The following RBFOX3 variants were observed in gnomAD, a reference collection of about 807,000 sequenced individuals.
The protein encoded by RBFOX3 is RNA binding protein fox-1 homolog 3.
In RBFOX3, 17 loss-of-function variants were observed where a neutral mutation model predicts 48.7. The observed-to-expected ratio is 0.35, with a 90% CI of 0.24 to 0.52. The LOEUF is 0.52. RBFOX3 is among the 20% of genes least tolerant of loss of function. The pLI is 0.94. For synonymous variants in RBFOX3, 212 were observed against 209.5 expected (o/e 1.01, Z -0.10); for missense variants, 382 against 497.5 (o/e 0.77, Z 2.21).
At chr17:79,438,082 GCA>G (rs2069944227) in intron 2 of RBFOX3, among the ~76,000 whole-genome samples, 1 of 132,666 alleles carries the variant, frequency 7.5e-6, no homozygotes, top group Non-Finnish European at 1.6e-5. Context: ...ATGTATACAT[GCA>G]CACACACAGG....
At chr17:79,633,656 T>A in the RBFOX3 span, among the ~76,000 whole-genome samples, 1 of 152,098 alleles carries the variant, frequency 6.6e-6, no homozygotes, top group African/African-American at 2.4e-5. Flanking sequence ...GCCTGGAGAC[T>A]GGACATGCTT....
At chr17:79,437,574 G>A (rs1209462101) in intron 2 of RBFOX3, among the ~76,000 whole-genome samples, 4 of 152,174 alleles carry the variant, frequency 2.6e-5, no homozygotes, top group African/African-American at 9.7e-5. Flanking sequence ...AGGAGCAGGT[G>A]GAGGAGCAAC....
chr17:79,175,149 T>C (rs1018551086), intron 4 of RBFOX3, among the ~76,000 whole-genome samples: 1 of 152,226 alleles, frequency 6.6e-6, no homozygotes, highest in Non-Finnish European at 1.5e-5. Context: ...CGGTGACTCA[T>C]GGGGGTCTGA....
At chr17:79,545,561 C>T (rs142219220) in intron 1 of RBFOX3, among the ~76,000 whole-genome samples, 1 of 152,358 alleles carries the variant, frequency 6.6e-6, no homozygotes, top group East Asian at 1.9e-4. Flanking sequence ...GTGTCCCAGG[C>T]TTCCCAGGTC....
At chr17:79,231,885 C>T (rs1287589997) in intron 4 of RBFOX3, among the ~76,000 whole-genome samples, 2 of 152,162 alleles carry the variant, frequency 1.3e-5, no homozygotes, top group African/African-American at 4.8e-5. Flanking sequence ...TCTCATGCTG[C>T]TATGAAGAAA....
chr17:79,310,675 C>T (rs548625782), intron 2 of RBFOX3, among the ~76,000 whole-genome samples: 37 of 152,328 alleles, frequency 2.4e-4, no homozygotes, highest in African/African-American at 7.7e-4. Context: ...AGCCTCTGCC[C>T]GGGCCCTTCT....
At chr17:79,192,271 C>T (rs1000871739) in intron 4 of RBFOX3, among the ~76,000 whole-genome samples, 9 of 152,178 alleles carry the variant, frequency 5.9e-5, no homozygotes, top group Admixed American at 2.0e-4. Flanking sequence ...TGCTCTTAGC[C>T]GCTCCCGGCC....
chr17:79,142,677 G>A (rs982938734), intron 4 of RBFOX3, among the ~76,000 whole-genome samples: 5 of 152,248 alleles, frequency 3.3e-5, no homozygotes, highest in East Asian at 1.9e-4. Flanking sequence ...GGGGGGTGCC[G>A]GGGGTGCACC....
chr17:79,563,552 T>C (rs1311533416), intron 1 of RBFOX3, among the ~76,000 whole-genome samples: 1 of 152,272 alleles, frequency 6.6e-6, no homozygotes, highest in Non-Finnish European at 1.5e-5. Context: ...TGTGTTAGCA[T>C]TTTTTAAGTC....
the RBFOX3 span, among the ~76,000 whole-genome samples, chr17:79,656,087 C>A: frequency 6.6e-6 from 1 of 152,212 alleles, no homozygotes; most frequent in Non-Finnish European, 1.5e-5. Flanking sequence ...AGATCACTCT[C>A]AAGCAAACCA....
chr17:79,105,629 G>T (rs1331679638), intron 6 of RBFOX3, among the ~76,000 whole-genome samples: 1 of 152,198 alleles, frequency 6.6e-6, no homozygotes, highest in Non-Finnish European at 1.5e-5. Context: ...CACGTCAGGG[G>T]GTAGGTGAAC....
chr17:79,262,157 C>T (rs1286319092), intron 3 of RBFOX3, among the ~76,000 whole-genome samples: 1 of 152,258 alleles, frequency 6.6e-6, no homozygotes, highest in East Asian at 1.9e-4. Flanking sequence ...CCTCTCGTGG[C>T]CACAGCTCTG....
At chr17:79,414,621 GGCT>G (rs2065012010) in intron 2 of RBFOX3, among the ~76,000 whole-genome samples, 1 of 152,206 alleles carries the variant, frequency 6.6e-6, no homozygotes, top group African/African-American at 2.4e-5. Flanking sequence ...GCCTGCTCCA[GGCT>G]GCGGACTCAG....
At chr17:79,298,772 A>G (rs1314766033) in intron 3 of RBFOX3, among the ~76,000 whole-genome samples, 1 of 152,000 alleles carries the variant, frequency 6.6e-6, no homozygotes, top group African/African-American at 2.4e-5. Context: ...CTTGAGTTTG[A>G]GGTGTCAGGG....
chr17:79,613,745 G>A (rs1006522365), upstream of RBFOX3, among the ~76,000 whole-genome samples: 11 of 152,158 alleles, frequency 7.2e-5, no homozygotes, highest in South Asian at 2.3e-3. Context: ...AGGCTGAGGT[G>A]GGTGGATCAC....
chr17:79,459,866 C>T (rs954478176), intron 2 of RBFOX3, among the ~76,000 whole-genome samples: 4 of 152,148 alleles, frequency 2.6e-5, no homozygotes, highest in African/African-American at 9.7e-5. Flanking sequence ...AATAGTCCCA[C>T]ATGTCTATTG....
Position 79,425,957 on chromosome 17 carries a change from T to C in RBFOX3, c.-175+56497A>G, listed in dbSNP as rs143021995. ...TGCGAGGCGAGGGCTCTCTCTGCAA[T>C]GGGAAGACAGACGCGGTGACCAGTG... On this transcript the variant is annotated intron_variant, in intron 2 of 14. Transcript: ENST00000693108. Among the ~76,000 whole-genome samples the C allele has an allele frequency of 9.9e-5, 15 of 152,014 alleles. No individual in the cohort carries two copies. In the East Asian group the frequency reaches 2.7e-3, roughly 28 times the overall value.
intron 4 of RBFOX3, among the ~76,000 whole-genome samples, chr17:79,200,162 C>CA (rs3046721): frequency 0.36 from 39,816 of 110,694 alleles, 7,159 homozygotes; most frequent in Admixed American, 0.46. Context: ...GACTCCGTCT[C>CA]AAAAAAAAAA....
intron 2 of RBFOX3, among the ~76,000 whole-genome samples, chr17:79,462,657 A>G (rs2075534212): frequency 6.6e-6 from 1 of 152,148 alleles, no homozygotes; most frequent in Admixed American, 6.5e-5. Context: ...CCAAAACATC[A>G]CTAGTGCTGA....
Sources: allele counts gnomAD v4.1 joint callset (sites outside exome capture counted in the v4.1 genomes callset), GRCh38; gene constraint gnomAD v4.1.1; transcripts MANE v1.5; gene names NCBI Gene and HGNC (gene_info 2026-07-23, HGNC 2026-07-21).